The following TTC21A variants were observed in gnomAD, a reference collection of about 807,000 sequenced individuals.
TTC21A encodes the protein tetratricopeptide repeat protein 21A.
A neutral mutation model predicts 156.4 loss-of-function variants in TTC21A; 128 were observed. That is an observed-to-expected ratio of 0.82 (90% CI 0.71 to 0.95). TTC21A has a LOEUF of 0.95. Among genes scored for constraint, TTC21A ranks in the 40% least tolerant of loss-of-function variants. The pLI, the probability that TTC21A is intolerant of heterozygous loss-of-function variation, is 0.00. For synonymous variants in TTC21A, 587 were observed against 617.1 expected (o/e 0.95, Z 0.72); for missense variants, 1,435 against 1,602.3 (o/e 0.90, Z 1.78).
chr3:39,118,014 T>A, intron 6 of TTC21A, 55 bp from the exon 7 acceptor site: 1 of 1,317,080 alleles, frequency 7.6e-7, no homozygotes, highest in Non-Finnish European at 1.1e-6. Flanking sequence ...CAACACACCA[T>A]CCCAGCTTTG....
At chr3:39,135,003 C>T (rs2125861873) in intron 21 of TTC21A, 90 bp from the exon 22 acceptor site, 3 of 1,125,456 alleles carry the variant, frequency 2.7e-6, no homozygotes, top group Non-Finnish European at 4.1e-6. Flanking sequence ...TCCCTTCTTA[C>T]CACCATCACC....
At chr3:39,116,133 G>A (rs558852677) in intron 6 of TTC21A, among the ~76,000 whole-genome samples, 1 of 152,384 alleles carries the variant, frequency 6.6e-6, no homozygotes, top group African/African-American at 2.4e-5. Context: ...CCCTGGCCCT[G>A]CTGTGCCCAT....
intron 9 of TTC21A, among the ~76,000 whole-genome samples, chr3:39,121,944 T>G (rs2037804010): frequency 6.6e-6 from 1 of 152,226 alleles, no homozygotes; most frequent in Non-Finnish European, 1.5e-5. Context: ...GTTCAACATG[T>G]CAGGCTGACC....
At chr3:39,135,601 G>T (rs2039052247) in intron 22 of TTC21A, among the ~76,000 whole-genome samples, 1 of 152,238 alleles carries the variant, frequency 6.6e-6, no homozygotes, top group African/African-American at 2.4e-5. Flanking sequence ...GCCCATGGCA[G>T]TGTGCCCATA....
In TTC21A at chr3:39,126,515, C is replaced by CACACAT. The variant is rs1553683198; in HGVS notation, c.1522+130_1522+131insTACACA. The CACACAT allele has an allele frequency of 1.4e-5, 14 of 1,028,738 alleles. No homozygotes were observed. In the African/African-American group the frequency reaches 1.8e-4, roughly 13 times the overall value. 63.7% of individuals were successfully genotyped at this position (1,028,738 alleles called of 1,614,324 possible). ...ACACACACACACACACACACACACACACACACTCTCCTTGCCTGGGGTACT... is the reference window on the plus strand; with the variant it reads ...ACACACACACACACACACACACACACACACATACACACTCTCCTTGCCTGGGGTACT... On this transcript the variant is annotated intron_variant, in intron 12 of 28. Coordinates refer to ENST00000683103, the MANE Select transcript of TTC21A (RefSeq NM_001366900.1).
At position 39,110,973 on chromosome 3, in the gene TTC21A, GAGTA is replaced by G. The variant is rs755035990; in HGVS notation, c.392_395del (p.Glu131AlafsTer6). On this transcript the variant is annotated frameshift_variant, in exon 4 of 29. Transcript: ENST00000683103. LOFTEE classifies it high-confidence loss of function. ...CATAGGCCGCCATGACAAGGCCAAA[GAGTA>G]CATTGACCGCATGCTGAAGATTTCT... 1.9e-6 allele frequency: 3 copies of G among 1,613,848 alleles called. No individual in the cohort carries two copies. Among genetic ancestry groups the G allele is most frequent in the Non-Finnish European group, 2.5e-6 (3 of 1,179,846 alleles).
chr3:39,111,020 A>G lies in TTC21A; in HGVS notation c.435+3A>G. ...AGATTTCTAGAGGCTTCAGAGAGGT[A>G]CTTACCACACCATGGGGACAACAGG... On this transcript the variant is annotated splice_donor_region_variant and intron_variant, in intron 4 of 28. Transcript: ENST00000683103. 1.9e-6 allele frequency: 3 copies of G among 1,596,686 alleles called. No individual in the cohort carries two copies. The highest frequency in any genetic ancestry group is 2.6e-6 in the Non-Finnish European group (3 of 1,168,462).
In TTC21A at chr3:39,135,175, G is replaced by C. The variant is rs1236618840; in HGVS notation, c.2944+1G>C. 6.2e-7 allele frequency: 1 copy of C among 1,613,934 alleles called. No homozygotes were observed. ...CACCAAGTCTTGGAGAAAGCGCCAG[G>C]TAATTCTGCCCATGGAGACTGCCTG... On this transcript the variant is annotated splice_donor_variant, in intron 22 of 28. Coordinates refer to ENST00000683103, the MANE Select transcript of TTC21A (RefSeq NM_001366900.1). LOFTEE classifies it high-confidence loss of function.
intron 12 of TTC21A, among the ~76,000 whole-genome samples, chr3:39,127,786 G>A (rs140917618): frequency 3.3e-5 from 5 of 152,350 alleles, no homozygotes; most frequent in African/African-American, 9.6e-5. Flanking sequence ...AGGCCTGGAC[G>A]TAAATGCCAA....
Position 39,130,775 on chromosome 3 carries a change from C to A in TTC21A, c.2394C>A (p.Leu798=), listed in dbSNP as rs376481324. The A allele has an allele frequency of 6.2e-7, 1 of 1,614,124 alleles. No homozygotes were observed. The highest frequency in any genetic ancestry group is 1.7e-5 in the Admixed American group (1 of 60,016). ...TGTGCTGCGATCTGGGCAAACTGCT[C>A]CTGAAGTTAAAGAAGGTCAATAAAG... ...DFLCCDLGKL[L]LKLKKVNKAE... Residue 798 remains leucine (L), a synonymous_variant, in exon 18 of 29, where the codon CTC becomes CTA. Transcript: ENST00000683103. The surrounding 1 kb of genome is among the most constrained non-coding windows in gnomAD (Gnocchi z 4.5).
At chr3:39,132,780 C>T (rs1322384497) in intron 19 of TTC21A, 2 of 511,670 alleles carry the variant, frequency 3.9e-6, no homozygotes, top group East Asian at 3.6e-5. Flanking sequence ...GACACAGAAC[C>T]TCAAGGTGTG....
chr3:39,108,015 G>A, intron 1 of TTC21A, 151 bp downstream of exon 1: 1 of 918,024 alleles, frequency 1.1e-6, no homozygotes, highest in South Asian at 1.6e-5. Flanking sequence ...CCCTGGCAAG[G>A]GCGTCTTCTC....
chr3:39,125,927 G>C (rs2038195550), intron 11 of TTC21A, among the ~76,000 whole-genome samples: 1 of 152,172 alleles, frequency 6.6e-6, no homozygotes, highest in Non-Finnish European at 1.5e-5. Context: ...TGTTTGTCCT[G>C]CTCTTCCAGC....
intron 26 of TTC21A, among the ~76,000 whole-genome samples, chr3:39,138,045 A>G (rs784496): frequency 0.55 from 84,215 of 152,030 alleles, 25,903 homozygotes; most frequent in East Asian, 0.72. Context: ...CAGGAGGGCT[A>G]CAGGGAAAGG....
intron 9 of TTC21A, among the ~76,000 whole-genome samples, chr3:39,123,296 C>T (rs1041238311): frequency 2.0e-5 from 3 of 152,028 alleles, no homozygotes; most frequent in African/African-American, 7.2e-5. Context: ...AATAAATATA[C>T]CAAAGTAGCA....
At chr3:39,120,613 T>C (rs757995050) in intron 8 of TTC21A, among the ~76,000 whole-genome samples, 5 of 152,248 alleles carry the variant, frequency 3.3e-5, no homozygotes, top group Non-Finnish European at 7.3e-5. Context: ...TCTGTATGTC[T>C]GATTCTCTCT....
Position 39,130,960 on chromosome 3 carries a change from A to G in TTC21A, c.2459-32A>G. 6 of 1,610,682 alleles carry G rather than the reference A, an allele frequency of 3.7e-6. No individual in the cohort carries two copies. The East Asian group carries it at 8.9e-5, about 24-fold the overall frequency. ...CAACACAGCTTCCCAGGAGCCAGTGAACTAACACTAATTTGAGTTTCCATT... is the reference window on the plus strand; with the variant it reads ...CAACACAGCTTCCCAGGAGCCAGTGGACTAACACTAATTTGAGTTTCCATT... On this transcript the variant is annotated intron_variant, in intron 18 of 28. Transcript: ENST00000683103. This position sits in a 1 kb window ranked among gnomAD's most constrained non-coding sequence, Gnocchi z 4.5.
intron 5 of TTC21A, 66 bp from the exon 6 acceptor site, chr3:39,114,519 C>G: frequency 6.6e-7 from 1 of 1,517,614 alleles, no homozygotes; most frequent in Non-Finnish European, 9.1e-7. Context: ...AGAGACAACC[C>G]CCCTCCAGCA....
chr3:39,130,518 C>G lies in TTC21A; in HGVS notation c.2319+160C>G. 5.2e-6 allele frequency: 5 copies of G among 957,838 alleles called. No individual in the cohort carries two copies. Among genetic ancestry groups the G allele is most frequent in the Non-Finnish European group, 7.8e-6 (5 of 637,202 alleles). 59.3% of individuals were successfully genotyped at this position (957,838 alleles called of 1,614,324 possible). On this transcript the variant is annotated intron_variant, in intron 17 of 28. Coordinates refer to ENST00000683103, the MANE Select transcript of TTC21A (RefSeq NM_001366900.1). The surrounding 1 kb of genome is among the most constrained non-coding windows in gnomAD (Gnocchi z 4.5). ...GCCAAGGGGAGAACTCAGCAACTCT[C>G]TGCTGCTGACCACACCTGCTTAAGC...
Sources: gnomAD v4.1 joint callset for allele counts (sites outside exome capture counted in the v4.1 genomes callset) on GRCh38, gnomAD v4.1.1 for gene constraint, Gnocchi (gnomAD v3.1) non-coding constraint, MANE v1.5 for transcripts, NCBI Gene and HGNC (gene_info 2026-07-23, HGNC 2026-07-21) for gene names.